The following CYTH3 variants were observed in gnomAD, a reference collection of about 807,000 sequenced individuals.
The protein encoded by CYTH3 is cytohesin 3.
In CYTH3, 23 loss-of-function variants were observed where a neutral mutation model predicts 55.1. The observed-to-expected ratio is 0.42, with a 90% confidence interval of 0.30 to 0.59. CYTH3 has a LOEUF of 0.59. Ranked by LOEUF, CYTH3 falls within the 20% of genes least tolerant of loss-of-function variation. The pLI is 0.20. For missense variants in CYTH3, 413 were observed against 524.8 expected, an observed-to-expected ratio of 0.79 and a Z score of 2.08; for synonymous variants, 249 against 194.9, an observed-to-expected ratio of 1.28 and a Z score of -2.31.
chr7:6,272,243 C>T (rs1780682674), intron 1 of CYTH3, among the ~76,000 whole-genome samples: 1 of 151,876 alleles, frequency 6.6e-6, no homozygotes, highest in South Asian at 2.1e-4. Flanking sequence ...GCCTGGTACC[C>T]AGACCCTCGC....
At chr7:6,245,741 C>T (rs1308384829) in intron 1 of CYTH3, among the ~76,000 whole-genome samples, 1 of 152,148 alleles carries the variant, frequency 6.6e-6, no homozygotes, top group Admixed American at 6.6e-5. Flanking sequence ...CCCGTCTCTA[C>T]TAAAAGTACA....
chr7:6,253,273 A>C (rs968739321), intron 1 of CYTH3, among the ~76,000 whole-genome samples: 1 of 149,754 alleles, frequency 6.7e-6, no homozygotes, highest in South Asian at 2.1e-4. Context: ...GCTGGAGTGC[A>C]CTGGCAGAAC....
At chr7:6,251,750 C>T (rs1008926925) in intron 1 of CYTH3, among the ~76,000 whole-genome samples, 1 of 152,112 alleles carries the variant, frequency 6.6e-6, no homozygotes, top group Non-Finnish European at 1.5e-5. Flanking sequence ...AAATAGAGTA[C>T]AGGACTTCAA....
chr7:6,236,227 A>T (rs553568868), intron 1 of CYTH3, among the ~76,000 whole-genome samples: 1 of 152,220 alleles, frequency 6.6e-6, no homozygotes, highest in South Asian at 2.1e-4. Flanking sequence ...TTTGTGAGAC[A>T]GAGTCTTGCT....
At chr7:6,230,201 CCAAA>C (rs1319223093) in intron 1 of CYTH3, among the ~76,000 whole-genome samples, 1 of 152,090 alleles carries the variant, frequency 6.6e-6, no homozygotes, top group East Asian at 1.9e-4. Flanking sequence ...TGTGAGACCA[CCAAA>C]CAAACTCAGT....
At chr7:6,179,644 A>C (rs1279016915) in intron 4 of CYTH3, among the ~76,000 whole-genome samples, 19 of 72,906 alleles carry the variant, frequency 2.6e-4, no homozygotes, top group South Asian at 1.1e-3. Flanking sequence ...CACCTCACAC[A>C]CCCCACACCC....
intron 1 of CYTH3, among the ~76,000 whole-genome samples, chr7:6,199,163 C>A (rs1784004561): frequency 1.3e-5 from 2 of 152,328 alleles, no homozygotes; most frequent in South Asian, 4.1e-4. Flanking sequence ...ATCATTCAGC[C>A]AAAATCCTTG....
chr7:6,259,939 T>C (rs1780308091), intron 1 of CYTH3, among the ~76,000 whole-genome samples: 2 of 144,370 alleles, frequency 1.4e-5, no homozygotes, highest in South Asian at 4.3e-4. Flanking sequence ...CAAGTGATTC[T>C]CCTGCCTCAG....
At position 6,187,833 on chromosome 7, in the gene CYTH3, T is replaced by A; in HGVS notation, c.118-112A>T. The A allele has an allele frequency of 3.5e-6, 3 of 858,198 alleles. No individual in the cohort carries two copies. The South Asian group carries it at 4.0e-5, about 12-fold the overall frequency. 53.2% of individuals were successfully genotyped at this position (858,198 alleles called of 1,614,324 possible). Reference sequence around the variant, plus strand: ...GCTTCCCTGCGGTCTCACCGGAGCATCACAGGGATGGAAAAACCAATACTA... The same window carrying A: ...GCTTCCCTGCGGTCTCACCGGAGCAACACAGGGATGGAAAAACCAATACTA... On this transcript the variant is annotated intron_variant, in intron 2 of 12. Coordinates refer to ENST00000350796, the MANE Select transcript of CYTH3 (RefSeq NM_004227.4).
At chr7:6,248,042 T>C (rs1779865707) in intron 1 of CYTH3, among the ~76,000 whole-genome samples, 3 of 152,028 alleles carry the variant, frequency 2.0e-5, no homozygotes, top group Non-Finnish European at 1.5e-5. Flanking sequence ...CTTATTTGTG[T>C]TTCTTGAAGT....
At chr7:6,229,225 A>G (rs887123152) in intron 1 of CYTH3, among the ~76,000 whole-genome samples, 2 of 152,222 alleles carry the variant, frequency 1.3e-5, no homozygotes, top group African/African-American at 4.8e-5. Flanking sequence ...ACTCCTCTAT[A>G]GCCAAAGAAA....
At position 6,224,315 on chromosome 7, in the gene CYTH3, T is replaced by TAA. The variant is rs11458182; in HGVS notation, c.35-33786_35-33785dup. Among the ~76,000 whole-genome samples the TAA allele has an allele frequency of 5.6e-3, 483 of 86,630 alleles. 2 individuals carry two copies. Among genetic ancestry groups the TAA allele is most frequent in the South Asian group, 0.018 (53 of 2,870 alleles). 56.8% of individuals were successfully genotyped at this position (86,630 alleles called of 152,430 possible). On this transcript the variant is annotated intron_variant, in intron 1 of 12. Transcript: ENST00000350796. Reference sequence around the variant, plus strand: ...AGTGTGACACTGCTGCAAAAATAGGTAAAAAAAAAAAAAAAAAAAGATTGA... The same window carrying TAA: ...AGTGTGACACTGCTGCAAAAATAGGTAAAAAAAAAAAAAAAAAAAAAGATTGA...
At chr7:6,205,005 A>G (rs1784152189) in intron 1 of CYTH3, among the ~76,000 whole-genome samples, 1 of 152,112 alleles carries the variant, frequency 6.6e-6, no homozygotes, top group African/African-American at 2.4e-5. Flanking sequence ...GTCTCTATTA[A>G]AAATACAAAA....
At chr7:6,245,731 C>G (rs768755658) in intron 1 of CYTH3, among the ~76,000 whole-genome samples, 58 of 152,152 alleles carry the variant, frequency 3.8e-4, no homozygotes, top group Non-Finnish European at 6.2e-4. Flanking sequence ...ATGGTGAAAC[C>G]CCGTCTCTAC....
chr7:6,258,759 T>TA (rs1433620624), intron 1 of CYTH3, among the ~76,000 whole-genome samples: 3 of 152,216 alleles, frequency 2.0e-5, no homozygotes, highest in Non-Finnish European at 2.9e-5. Context: ...CAAGAGTTGT[T>TA]ATTTAAGTTA....
intron 1 of CYTH3, among the ~76,000 whole-genome samples, chr7:6,234,879 A>C (rs1235894555): frequency 6.6e-6 from 1 of 152,198 alleles, no homozygotes; most frequent in Non-Finnish European, 1.5e-5. Context: ...TAATAATAAG[A>C]ATATGAGACG....
chr7:6,254,644 T>C (rs879769769), intron 1 of CYTH3, among the ~76,000 whole-genome samples: 8 of 152,210 alleles, frequency 5.3e-5, no homozygotes, highest in Non-Finnish European at 7.3e-5. Context: ...GAGACAGGCT[T>C]TCACCATGTT....
chr7:6,196,456 C>CTTTTTTTTTTTTTT (rs5882084), intron 1 of CYTH3, among the ~76,000 whole-genome samples: 3 of 113,980 alleles, frequency 2.6e-5, no homozygotes, highest in Non-Finnish European at 5.2e-5. Flanking sequence ...TTCTTTTTTT[C>CTTTTTTTTTTTTTT]TTTTTTTTTT....
At chr7:6,217,063 C>A (rs1439586654) in intron 1 of CYTH3, among the ~76,000 whole-genome samples, 1 of 151,992 alleles carries the variant, frequency 6.6e-6, no homozygotes, top group Admixed American at 6.6e-5. Flanking sequence ...CAGGCGTGTG[C>A]CACCACACCC....
Sources: allele counts gnomAD v4.1 joint callset (sites outside exome capture counted in the v4.1 genomes callset), GRCh38; gene constraint gnomAD v4.1.1; transcripts MANE v1.5; gene names NCBI Gene and HGNC (gene_info 2026-07-23, HGNC 2026-07-21).